Variants in CADM2 observed in about 807,000 individuals in gnomAD.
CADM2 encodes the protein cell adhesion molecule 2.
A neutral mutation model predicts 49.8 loss-of-function variants in CADM2; 12 were observed. That is an observed-to-expected ratio of 0.24 (90% confidence interval 0.15 to 0.39). The LOEUF (loss-of-function observed/expected upper bound fraction) is 0.39. Ranked by LOEUF, CADM2 falls within the 10% of genes least tolerant of loss-of-function variation. The pLI is 1.00. For synonymous variants in CADM2, 214 were observed against 175.4 expected (o/e 1.22, Z -1.74); for missense variants, 378 against 492.3 (o/e 0.77, Z 2.20).
At chr3:85,388,427 T>A (rs78527709) in intron 1 of CADM2, among the ~76,000 whole-genome samples, 2,916 of 152,296 alleles carry the variant, frequency 0.019, 84 homozygotes, top group African/African-American at 0.065. Flanking sequence ...GTTACTAGTT[T>A]ATTTTCACAA....
chr3:85,020,762 G>A (rs375536074), intron 1 of CADM2, among the ~76,000 whole-genome samples: 2 of 144,806 alleles, frequency 1.4e-5, no homozygotes, highest in African/African-American at 5.1e-5. Context: ...GTGTGTGTGT[G>A]TATGGTGTGT....
At chr3:85,362,104 C>A (rs927524888) in intron 1 of CADM2, among the ~76,000 whole-genome samples, 1 of 148,244 alleles carries the variant, frequency 6.7e-6, no homozygotes, top group African/African-American at 2.6e-5. Context: ...TTGGTTTGGA[C>A]CTCCAGTAAG....
chr3:85,852,861 A>T (rs917572254), intron 3 of CADM2, among the ~76,000 whole-genome samples: 1 of 152,036 alleles, frequency 6.6e-6, no homozygotes, highest in South Asian at 2.1e-4. Context: ...CCATCATCTA[A>T]CTCAGCACCT....
chr3:85,488,147 C>T (rs2039507782), intron 1 of CADM2, among the ~76,000 whole-genome samples: 1 of 152,010 alleles, frequency 6.6e-6, no homozygotes, highest in South Asian at 2.1e-4. Context: ...TAATGAGGAA[C>T]CCCTCTTTCT....
chr3:85,910,736 T>A (rs990770290), intron 5 of CADM2, among the ~76,000 whole-genome samples: 21 of 152,202 alleles, frequency 1.4e-4, no homozygotes, highest in African/African-American at 4.8e-4. Context: ...AAACATTTTG[T>A]GGTAAAAATC....
intron 1 of CADM2, among the ~76,000 whole-genome samples, chr3:85,527,786 C>T (rs2061196990): frequency 6.6e-6 from 1 of 152,186 alleles, no homozygotes; most frequent in Non-Finnish European, 1.5e-5. Context: ...AAAATCACAT[C>T]CTGCTATTTT....
chr3:85,854,482 A>G (rs1403914332), intron 3 of CADM2, among the ~76,000 whole-genome samples: 16 of 152,184 alleles, frequency 1.1e-4, no homozygotes, highest in Admixed American at 1.0e-3. Context: ...CTTTGCAGGG[A>G]CATTGATTAA....
intron 3 of CADM2, among the ~76,000 whole-genome samples, chr3:85,859,388 G>A (rs893665188): frequency 4.1e-4 from 62 of 151,628 alleles, no homozygotes; most frequent in African/African-American, 1.4e-3. Context: ...GCGTCACCAC[G>A]CCAGGCTAAT....
chr3:86,012,424 C>T (rs1399423752), intron 8 of CADM2: 2 of 409,094 alleles, frequency 4.9e-6, no homozygotes, highest in African/African-American at 2.1e-5. Flanking sequence ...TTGGGCTTCT[C>T]GCCCGCCCGC....
At chr3:85,557,987 A>G (rs2062003149) in intron 1 of CADM2, among the ~76,000 whole-genome samples, 1 of 152,076 alleles carries the variant, frequency 6.6e-6, no homozygotes, top group Admixed American at 6.6e-5. Flanking sequence ...GAACACTAGG[A>G]AAAAAGAGCA....
intron 1 of CADM2, among the ~76,000 whole-genome samples, chr3:85,648,394 G>A (rs1452594842): frequency 6.6e-6 from 1 of 151,840 alleles, no homozygotes; most frequent in Non-Finnish European, 1.5e-5. Flanking sequence ...ATTTTAATTT[G>A]TTCTTGAAGG....
intron 3 of CADM2, among the ~76,000 whole-genome samples, chr3:85,878,860 C>T (rs955307760): frequency 2.0e-5 from 3 of 151,988 alleles, no homozygotes; most frequent in Non-Finnish European, 4.4e-5. Context: ...TAAGCTCTGT[C>T]TGTGTCAGTG....
intron 1 of CADM2, among the ~76,000 whole-genome samples, chr3:85,072,773 T>G (rs2036805714): frequency 6.6e-6 from 1 of 152,114 alleles, no homozygotes; most frequent in African/African-American, 2.4e-5. Flanking sequence ...ACATTTAAAT[T>G]ATTGACAGTT....
At chr3:85,415,607 C>G (rs916481189) in intron 1 of CADM2, among the ~76,000 whole-genome samples, 1 of 152,074 alleles carries the variant, frequency 6.6e-6, no homozygotes, top group African/African-American at 2.4e-5. Flanking sequence ...CAGTAGTATA[C>G]TTGAAAAGAA....
chr3:85,020,074 A>G (rs768939334), intron 1 of CADM2, among the ~76,000 whole-genome samples: 9 of 152,186 alleles, frequency 5.9e-5, no homozygotes, highest in Non-Finnish European at 1.3e-4. Flanking sequence ...AAATAGAGAT[A>G]CCATAGTTGA....
chr3:85,454,844 C>A (rs918180675), intron 1 of CADM2, among the ~76,000 whole-genome samples: 4 of 104,500 alleles, frequency 3.8e-5, no homozygotes, highest in Non-Finnish European at 9.5e-5. Flanking sequence ...CATTAACACA[C>A]AAAACAGAAT....
At chr3:85,092,507 A>G (rs1337834200) in intron 1 of CADM2, among the ~76,000 whole-genome samples, 1 of 152,164 alleles carries the variant, frequency 6.6e-6, no homozygotes, top group African/African-American at 2.4e-5. Flanking sequence ...GATCCATGGG[A>G]GTAGCTCATC....
At chr3:85,581,140 G>T (rs1251386556) in intron 1 of CADM2, among the ~76,000 whole-genome samples, 3 of 151,994 alleles carry the variant, frequency 2.0e-5, no homozygotes, top group Non-Finnish European at 4.4e-5. Context: ...TTTTTAAAAT[G>T]ACTTTAATCA....
intron 1 of CADM2, among the ~76,000 whole-genome samples, chr3:85,238,134 C>A (rs193190427): frequency 4.0e-5 from 6 of 151,820 alleles, no homozygotes; most frequent in Admixed American, 1.3e-4. Context: ...GGCTATTTTT[C>A]TTTAAAAGCT....
Sources: allele counts gnomAD v4.1 joint callset (sites outside exome capture counted in the v4.1 genomes callset), GRCh38; gene constraint gnomAD v4.1.1; transcripts MANE v1.5; gene names NCBI Gene and HGNC (gene_info 2026-07-23, HGNC 2026-07-21).